Variants in PITPNM1 observed in about 807,000 individuals in gnomAD.
PITPNM1 encodes membrane-associated phosphatidylinositol transfer protein 1.
Under a neutral mutation model 133.3 loss-of-function variants are expected in PITPNM1, and 74 were observed. The observed-to-expected ratio is 0.56, with a 90% CI of 0.46 to 0.67. The LOEUF is 0.67. PITPNM1 is among the 30% of genes least tolerant of loss of function. The pLI is 0.00. For missense variants in PITPNM1, 1,398 were observed against 1,739.5 expected, an observed-to-expected ratio of 0.80 and a Z score of 3.49; for synonymous variants, 738 against 741.4, an observed-to-expected ratio of 1.00 and a Z score of 0.08.
At chr11:67,494,419 G>C (rs533311591) in intron 18 of PITPNM1, 59 bp from the exon 19 acceptor site, 15 of 1,258,374 alleles carry the variant, frequency 1.2e-5, no homozygotes, top group East Asian at 2.4e-5. Context: ...GCTTGGGGAG[G>C]GGGAGCGGGT....
intron 14 of PITPNM1, 36 bp downstream of exon 14, chr11:67,497,193 CAG>C: frequency 1.3e-6 from 2 of 1,514,506 alleles, no homozygotes; most frequent in Non-Finnish European, 1.8e-6. Context: ...AAGGGGCAGA[CAG>C]AGACTAGAGG....
At chr11:67,503,875 T>A (rs1441911981) in intron 2 of PITPNM1, 1 of 438,706 alleles carries the variant, frequency 2.3e-6, no homozygotes, top group African/African-American at 2.1e-5. Flanking sequence ...GGATTACAGA[T>A]CCTGAGGAGG....
At chr11:67,495,626 G>A (rs879501700) in intron 15 of PITPNM1, 24 bp from the exon 16 acceptor site, 36 of 1,538,318 alleles carry the variant, frequency 2.3e-5, no homozygotes, top group Admixed American at 1.4e-4. Flanking sequence ...GGCAAGGTCA[G>A]CAGGGGCCGG....
At chr11:67,492,465 C>T (rs1399203187) in intron 23 of PITPNM1, among the ~76,000 whole-genome samples, 169 bp from the exon 24 acceptor site, 2 of 152,250 alleles carry the variant, frequency 1.3e-5, no homozygotes, top group Non-Finnish European at 2.9e-5. Context: ...GGAGCCAGGG[C>T]ACCTTGGCTG....
At position 67,493,462 on chromosome 11, in the gene PITPNM1, G is replaced by T; in HGVS notation, c.3290C>A (p.Thr1097Asn). Residue 1097 changes from threonine (T) to asparagine (N), a missense_variant, in exon 22 of 24, where the codon ACC (threonine) becomes AAC (asparagine). Physicochemically the swap from Thr to Asn is moderately conservative, Grantham distance 65 (BLOSUM62 0). Around this residue, in one of 5 missense-constraint regions of PITPNM1, gnomAD observed 233 missense variants for 378.0 expected, o/e 0.62. Transcript: ENST00000356404. ...HGVVSFCDGL[T>N]HDPLRQKAMF... ...TGCCTTCTGGCGTAGTGGGTCGTGG[G>T]TGAGGCCGTCGCAGAAGGAGACGAC... The T allele has an allele frequency of 6.2e-7, 1 of 1,605,924 alleles. No homozygotes were observed. The highest frequency in any genetic ancestry group is 1.7e-4 in the Middle Eastern group (1 of 6,044).
At position 67,493,408 on chromosome 11, in the gene PITPNM1, AC is replaced by A. The variant is rs1866001295; in HGVS notation, c.3342+1del. The A allele has an allele frequency of 6.3e-7, 1 of 1,578,234 alleles. No homozygotes were observed. Among genetic ancestry groups the A allele is most frequent in the Non-Finnish European group, 8.6e-7 (1 of 1,157,548 alleles). On this transcript the variant is annotated splice_donor_variant, in intron 22 of 23. Transcript: ENST00000356404. LOFTEE classifies it high-confidence loss of function. ...ACCCGGAGCCTCCCCCAGCCGCCGC[AC>A]CTCCTGCACCAGGCTCTGCAGAAAC...
At chr11:67,500,930 T>C (rs1866303410) in intron 5 of PITPNM1, among the ~76,000 whole-genome samples, 1 of 152,234 alleles carries the variant, frequency 6.6e-6, no homozygotes, top group Admixed American at 6.5e-5. Context: ...AAAGTAATGA[T>C]GGTTGAATGA....
Position 67,504,322 on chromosome 11 carries a change from G to A in PITPNM1, c.-41-101C>T, listed in dbSNP as rs1483783994. ...ACTCAGGCCACGGGACCCCATGTCC[G>A]GGCCCGCCACGAGGGAGGCAGAGGC... On this transcript the variant is annotated intron_variant, in intron 1 of 23. Coordinates refer to ENST00000356404, the MANE Select transcript of PITPNM1 (RefSeq NM_004910.3). The surrounding 1 kb of genome is among the most constrained non-coding windows in gnomAD (Gnocchi z 5.4). The A allele has an allele frequency of 1.3e-5, 5 of 377,326 alleles. No individual in the cohort carries two copies. The highest frequency in any genetic ancestry group is 2.1e-5 in the African/African-American group (1 of 46,620). The allele number at this position is 377,326 out of a possible 1,614,324, so 23.4% of individuals were successfully genotyped here. A position where few individuals can be genotyped will look rare whatever the true frequency, so the allele number is the denominator to read the frequency against.
chr11:67,496,561 A>T, intron 14 of PITPNM1: 1 of 519,338 alleles, frequency 1.9e-6, no homozygotes, highest in Non-Finnish European at 3.3e-6. Context: ...GTACTGCGGG[A>T]GGCAGAAGCA....
In PITPNM1 at chr11:67,498,149, G is replaced by C. The variant is rs757188545; in HGVS notation, c.1658C>G (p.Ala553Gly). Reference protein sequence around the residue: ...YSAFLRSPEGAGFCGQVALIG... With the variant: ...YSAFLRSPEGGGFCGQVALIG... ...ACCGCTGACCTGCCCACAGAAGCCG[G>C]CACCCTCAGGTGAGCGCAGGAAGGC... Residue 553 changes from alanine (A) to glycine (G), a missense_variant, in exon 11 of 24, where the codon GCC becomes GGC. Ala to Gly is a moderately conservative substitution (Grantham distance 60). This residue lies in a region of PITPNM1 where 574 missense variants were observed against 698.7 expected (regional missense o/e 0.82). Transcript: ENST00000356404. This position sits in a 1 kb window ranked among gnomAD's most constrained non-coding sequence, Gnocchi z 5.7. 1.9e-6 allele frequency: 3 copies of C among 1,612,774 alleles called. No homozygotes were observed. Among genetic ancestry groups the C allele is most frequent in the South Asian group, 2.2e-5 (2 of 91,076 alleles).
chr11:67,500,328 TC>T lies in PITPNM1; in HGVS notation c.733del (p.Glu245LysfsTer124). 6.2e-7 allele frequency: 1 copy of T among 1,612,106 alleles called. No homozygotes were observed. Among genetic ancestry groups the T allele is most frequent in the East Asian group, 2.2e-5 (1 of 44,880 alleles). On this transcript the variant is annotated frameshift_variant, in exon 6 of 24. Transcript: ENST00000356404. LOFTEE classifies it high-confidence loss of function. ...ELSMADIRAL[E>X]EETARMLAQR... ...GGCCAGCATGCGAGCAGTCTCCTCTTCCAGTGCCCGGATGTCAGCCATGCTC... is the reference window on the plus strand; with the variant it reads ...GGCCAGCATGCGAGCAGTCTCCTCTTCAGTGCCCGGATGTCAGCCATGCTC...
At chr11:67,500,873 A>G (rs1275100747) in intron 5 of PITPNM1, among the ~76,000 whole-genome samples, 1 of 152,268 alleles carries the variant, frequency 6.6e-6, no homozygotes, top group Non-Finnish European at 1.5e-5. Flanking sequence ...GGATATTTTT[A>G]TCTTAAGCAG....
rs1381496422 is a variant in PITPNM1, at chr11:67,495,222, A to C, written c.2486T>G (p.Leu829Arg). 1 of 1,588,356 alleles carries C rather than the reference A, an allele frequency of 6.3e-7. No homozygotes were observed. Among genetic ancestry groups the C allele is most frequent in the Admixed American group, 1.7e-5 (1 of 59,140 alleles). Residue 829 changes from leucine (L) to arginine (R), a missense_variant, in exon 17 of 24, where the codon CTG becomes CGG. Coordinates refer to ENST00000356404, the MANE Select transcript of PITPNM1 (RefSeq NM_004910.3). ...CCGCTTGGTCCCCCACCAGCGCTCC[A>C]GGACTGCGCGGCCATGGCAGCGAGT... The part of the protein sequence containing the change: ...PSTTSEVVKI[L>R]ERWWGTKRID...
Position 67,497,946 on chromosome 11 carries a change from T to C in PITPNM1, c.1753A>G (p.Ser585Gly). 1 of 1,611,146 alleles carries C rather than the reference T, an allele frequency of 6.2e-7. No homozygotes were observed. Among genetic ancestry groups the C allele is most frequent in the Non-Finnish European group, 8.5e-7 (1 of 1,179,964 alleles). ...CTCCCACGGCGGCTGCTGCCCCGAC[T>C]CCCGGTGCCCGCGTTAGCACTGTGG... ...LCHSANAGTG[S>G]RGSSRRGSMN... Residue 585 changes from serine to glycine, a missense_variant, in exon 12 of 24, where the codon AGT (serine) becomes GGT (glycine). Physicochemically the swap from Ser to Gly is moderately conservative, Grantham distance 56. This residue lies in a region of PITPNM1 where 574 missense variants were observed against 698.7 expected (regional missense o/e 0.82). Transcript: ENST00000356404.
intron 23 of PITPNM1, 77 bp downstream of exon 23, chr11:67,492,857 C>A: frequency 6.6e-7 from 1 of 1,524,968 alleles, no homozygotes; most frequent in Non-Finnish European, 8.9e-7. Flanking sequence ...TCCCCAGAGT[C>A]CGTGGTTCCC....
intron 15 of PITPNM1, 48 bp downstream of exon 15, chr11:67,496,130 C>A: frequency 6.9e-7 from 1 of 1,444,722 alleles, no homozygotes; most frequent in Non-Finnish European, 9.1e-7. Context: ...TCCTCCCTTC[C>A]TGTGTGTGCC....
chr11:67,493,627 C>A, intron 21 of PITPNM1, 34 bp from the exon 22 acceptor site: 1 of 1,545,810 alleles, frequency 6.5e-7, no homozygotes, highest in East Asian at 2.4e-5. Flanking sequence ...GCTCCGCTGG[C>A]CAGGGGTGAG....
At chr11:67,505,961 G>A (rs578149571), upstream of PITPNM1, among the ~76,000 whole-genome samples, 353 of 152,316 alleles carry the variant, frequency 2.3e-3, 3 homozygotes, top group African/African-American at 8.2e-3. This position sits in a 1 kb window ranked among gnomAD's most constrained non-coding sequence, Gnocchi z 5.8. Flanking sequence ...AAGGCCTCAC[G>A]AGGCACCCCA....
Position 67,495,133 on chromosome 11 carries a change from G to C in PITPNM1, c.2575C>G (p.Leu859Val), listed in dbSNP as rs563217848. 2 of 1,612,738 alleles carry C rather than the reference G, an allele frequency of 1.2e-6. No individual in the cohort carries two copies. Among genetic ancestry groups the C allele is most frequent in the Non-Finnish European group, 1.7e-6 (2 of 1,179,898 alleles). ...TAFPTVTLPH[L>V]FHASYWESAD... is the part of the protein sequence containing the mutation. ...GACTCCCAGTAGCTGGCGTGGAAGA[G>C]GTGGGGCAGCGTGACGGTGGGAAAG... Residue 859 changes from leucine to valine, a missense_variant, in exon 17 of 24, where the codon CTC becomes GTC. Physicochemically the swap from Leu to Val is conservative, Grantham distance 32. Around this residue, in one of 5 missense-constraint regions of PITPNM1, gnomAD observed 574 missense variants for 698.7 expected, o/e 0.82. Coordinates refer to ENST00000356404, the MANE Select transcript of PITPNM1 (RefSeq NM_004910.3).
Sources: allele counts gnomAD v4.1 joint callset (sites outside exome capture counted in the v4.1 genomes callset), GRCh38; gene constraint gnomAD v4.1.1; regional missense constraint gnomAD v4.1.1; non-coding constraint Gnocchi (gnomAD v3.1); transcripts MANE v1.5; gene names NCBI Gene and HGNC (gene_info 2026-07-23, HGNC 2026-07-21).